The following OSBPL1A variants were observed in gnomAD, a reference collection of about 807,000 sequenced individuals.
The protein encoded by OSBPL1A is oxysterol-binding protein-related protein 1.
Under a neutral mutation model 137.1 loss-of-function variants are expected in OSBPL1A, and 80 were observed. That is an observed-to-expected ratio of 0.58 (90% confidence interval 0.49 to 0.70). The LOEUF (loss-of-function observed/expected upper bound fraction) is 0.70. Among genes scored for constraint, OSBPL1A ranks in the 30% least tolerant of loss-of-function variants. The probability of loss-of-function intolerance (pLI) is 0.00; values close to 1 mark genes in which losing one functional copy is unlikely to be tolerated. For missense variants in OSBPL1A, 970 were observed against 1,129.4 expected, an observed-to-expected ratio of 0.86 and a Z score of 2.02; for synonymous variants, 365 against 389.7, an observed-to-expected ratio of 0.94 and a Z score of 0.75.
At chr18:24,173,106 G>A (rs1296777941) in intron 21 of OSBPL1A, among the ~76,000 whole-genome samples, 2 of 152,140 alleles carry the variant, frequency 1.3e-5, no homozygotes, top group Non-Finnish European at 2.9e-5. Flanking sequence ...TGGGAATATG[G>A]AGGAGCTGGA....
chr18:24,367,043 T>G, intron 3 of OSBPL1A, 77 bp from the exon 4 acceptor site: 18 of 1,163,436 alleles, frequency 1.5e-5, no homozygotes, highest in Non-Finnish European at 1.9e-5. Context: ...ATTAAGGCCT[T>G]AAAAAATTAA....
intron 17 of OSBPL1A, among the ~76,000 whole-genome samples, chr18:24,204,008 G>A (rs2087295994): frequency 6.6e-6 from 1 of 152,202 alleles, no homozygotes; most frequent in South Asian, 2.1e-4. Context: ...GATATATGAT[G>A]TATTCTTATT....
intron 16 of OSBPL1A, among the ~76,000 whole-genome samples, chr18:24,233,499 T>C (rs1467457900): frequency 6.6e-6 from 1 of 152,244 alleles, no homozygotes; most frequent in Non-Finnish European, 1.5e-5. Context: ...AATATATTTT[T>C]AGGGAGGACA....
chr18:24,306,984 C>G (rs2337960), intron 13 of OSBPL1A, among the ~76,000 whole-genome samples: 2,060 of 151,496 alleles, frequency 0.014, 42 homozygotes, highest in African/African-American at 0.047. Context: ...TGGCCAGGCT[C>G]GGTGGCTCAT....
At chr18:24,352,673 A>C (rs1349338052) in intron 4 of OSBPL1A, among the ~76,000 whole-genome samples, 1 of 152,198 alleles carries the variant, frequency 6.6e-6, no homozygotes, top group Admixed American at 6.6e-5. Flanking sequence ...CTATACTACA[A>C]GGCTACAGTA....
At position 24,317,142 on chromosome 18, in the gene OSBPL1A, A is replaced by G; in HGVS notation, c.870+7T>C. ...TAGAGGAGCAAATGATCCATGTTTC[A>G]TCCTACCGTGCATACTGCTTGAGTC... is the stretch of plus-strand genomic sequence containing the variant. On this transcript the variant is annotated splice_region_variant and intron_variant, in intron 11 of 27. Coordinates refer to ENST00000319481, the MANE Select transcript of OSBPL1A (RefSeq NM_080597.4). 6.2e-7 allele frequency: 1 copy of G among 1,613,810 alleles called. No homozygotes were observed. The highest frequency in any genetic ancestry group is 8.5e-7 in the Non-Finnish European group (1 of 1,179,802).
intron 2 of OSBPL1A, among the ~76,000 whole-genome samples, chr18:24,369,236 G>A (rs941128041): frequency 1.1e-4 from 17 of 152,180 alleles, no homozygotes; most frequent in African/African-American, 4.1e-4. Context: ...GTGAAAGAGA[G>A]GACCGAAGTT....
At chr18:24,182,469 C>T (rs1419132433) in intron 18 of OSBPL1A, among the ~76,000 whole-genome samples, 1 of 152,172 alleles carries the variant, frequency 6.6e-6, no homozygotes, top group African/African-American at 2.4e-5. Flanking sequence ...GGCGGGTGAA[C>T]AGTCCTGAGG....
chr18:24,236,339 G>T (rs191993851), intron 16 of OSBPL1A, among the ~76,000 whole-genome samples: 1 of 152,208 alleles, frequency 6.6e-6, no homozygotes, highest in East Asian at 1.9e-4. Context: ...TTAATGAGGG[G>T]GGACCATTTG....
intron 17 of OSBPL1A, among the ~76,000 whole-genome samples, chr18:24,209,358 G>A (rs1326104797): frequency 1.3e-5 from 2 of 152,104 alleles, no homozygotes; most frequent in African/African-American, 2.4e-5. Flanking sequence ...TAAAACCACA[G>A]AACAAGGTAC....
chr18:24,272,285 T>G, intron 15 of OSBPL1A: 1 of 981,866 alleles, frequency 1.0e-6, no homozygotes. Context: ...AACCCGCCCC[T>G]TGGGAAACTC....
chr18:24,280,386 C>T (rs1210475954), intron 15 of OSBPL1A, among the ~76,000 whole-genome samples: 5 of 152,164 alleles, frequency 3.3e-5, no homozygotes, highest in African/African-American at 1.2e-4. Flanking sequence ...TCAGCCCTTA[C>T]TCATATTTAG....
chr18:24,366,766 C>T, intron 4 of OSBPL1A, 126 bp downstream of exon 4: 1 of 834,616 alleles, frequency 1.2e-6, no homozygotes, highest in Non-Finnish European at 1.8e-6. Flanking sequence ...ACCCAAAGTG[C>T]TGGTGTATAC....
chr18:24,390,838 G>A (rs759709801), intron 1 of OSBPL1A, among the ~76,000 whole-genome samples: 6 of 151,642 alleles, frequency 4.0e-5, no homozygotes, highest in Admixed American at 1.3e-4. Context: ...AGTGGCTCAC[G>A]GCTGTAATCG....
chr18:24,202,817 C>T (rs951798355), intron 17 of OSBPL1A, among the ~76,000 whole-genome samples: 13 of 152,156 alleles, frequency 8.5e-5, no homozygotes, highest in African/African-American at 2.7e-4. Context: ...TAATTCACAA[C>T]GCTTGGTAAT....
At chr18:24,355,476 G>C (rs72886751) in intron 4 of OSBPL1A, among the ~76,000 whole-genome samples, 1 of 152,000 alleles carries the variant, frequency 6.6e-6, no homozygotes, top group African/African-American at 2.4e-5. Flanking sequence ...ACTCCAGCGC[G>C]GGCAACAGGT....
intron 16 of OSBPL1A, among the ~76,000 whole-genome samples, chr18:24,234,036 G>C (rs566903698): frequency 6.6e-6 from 1 of 152,176 alleles, no homozygotes; most frequent in African/African-American, 2.4e-5. Context: ...ATTCTGCCCG[G>C]AGGAGTCAGG....
At chr18:24,303,549 CTG>C in intron 14 of OSBPL1A, 86 bp downstream of exon 14, 5 of 1,071,210 alleles carry the variant, frequency 4.7e-6, no homozygotes, top group Non-Finnish European at 6.8e-6. Flanking sequence ...AAACCAAAAA[CTG>C]TTTAAAAATG....
chr18:24,327,269 G>A (rs543800648), intron 7 of OSBPL1A, among the ~76,000 whole-genome samples: 14 of 151,728 alleles, frequency 9.2e-5, no homozygotes, highest in Middle Eastern at 3.4e-3. Context: ...CACCATGCCC[G>A]GCTAATTTTG....
Sources: allele counts gnomAD v4.1 joint callset (sites outside exome capture counted in the v4.1 genomes callset), GRCh38; gene constraint gnomAD v4.1.1; transcripts MANE v1.5; gene names NCBI Gene and HGNC (gene_info 2026-07-23, HGNC 2026-07-21).